Variants in KSR2 observed in about 807,000 individuals in gnomAD.
KSR2 encodes the protein kinase suppressor of ras 2.
A neutral mutation model predicts 107.8 loss-of-function variants in KSR2; 25 were observed. That is an observed-to-expected ratio of 0.23 (90% CI 0.17 to 0.32). The LOEUF (loss-of-function observed/expected upper bound fraction) is 0.32, where lower values mean the gene tolerates loss of function less well. Ranked by LOEUF, KSR2 falls within the 10% of genes least tolerant of loss-of-function variation. The pLI, the probability that KSR2 is intolerant of heterozygous loss-of-function variation, is 1.00. For missense variants in KSR2, 887 were observed against 1,268.9 expected (o/e 0.70, Z 4.57); for synonymous variants, 480 against 507.0 (o/e 0.95, Z 0.71).
In KSR2 at chr12:117,635,390, T is replaced by A. The variant is rs567592858; in HGVS notation, c.1171+32084A>T. On this transcript the variant is annotated intron_variant, in intron 5 of 19. Transcript: ENST00000339824. ...AGTTAAAAATGAGTTAGAATTCCAA[T>A]AAATAGAAGACATTAACTGTTTTTC... Among the ~76,000 whole-genome samples the A allele has an allele frequency of 2.0e-5, 3 of 152,200 alleles. No homozygotes were observed. In the East Asian group the frequency reaches 5.8e-4, roughly 29 times the overall value.
chr12:117,966,454 G>T (rs1896788208), intron 1 of KSR2, among the ~76,000 whole-genome samples: 1 of 151,982 alleles, frequency 6.6e-6, no homozygotes, highest in South Asian at 2.1e-4. Flanking sequence ...CCAAGCTCCA[G>T]GAAAGGCAAT....
intron 12 of KSR2, among the ~76,000 whole-genome samples, chr12:117,528,882 A>G (rs1258894726): frequency 6.6e-6 from 1 of 152,206 alleles, no homozygotes; most frequent in Non-Finnish European, 1.5e-5. Flanking sequence ...GCAAGCAGCT[A>G]TTGACTCTGT....
intron 4 of KSR2, among the ~76,000 whole-genome samples, chr12:117,723,218 C>T (rs1887282728): frequency 6.6e-6 from 1 of 152,158 alleles, no homozygotes; most frequent in African/African-American, 2.4e-5. Flanking sequence ...TTAAGCTCTT[C>T]CAGCCAAAAG....
intron 5 of KSR2, among the ~76,000 whole-genome samples, chr12:117,615,265 C>T (rs1881811813): frequency 6.7e-6 from 1 of 149,686 alleles, no homozygotes; most frequent in Admixed American, 6.7e-5. Flanking sequence ...ACATCAGATT[C>T]CTCTTTTGTC....
At chr12:117,836,494 A>G (rs1482401304) in intron 3 of KSR2, among the ~76,000 whole-genome samples, 1 of 152,146 alleles carries the variant, frequency 6.6e-6, no homozygotes, top group Non-Finnish European at 1.5e-5. Context: ...CAGAGGCAAA[A>G]GCACACATCA....
chr12:117,903,377 C>A (rs1007012598), intron 1 of KSR2, among the ~76,000 whole-genome samples: 2 of 152,024 alleles, frequency 1.3e-5, no homozygotes, highest in African/African-American at 4.8e-5. Context: ...CCCGAGTTAG[C>A]AAATAAAAAT....
intron 7 of KSR2, among the ~76,000 whole-genome samples, chr12:117,566,057 T>G (rs1228829412): frequency 6.6e-6 from 1 of 151,950 alleles, no homozygotes; most frequent in Non-Finnish European, 1.5e-5. Context: ...ACAGATTATT[T>G]CATCACCCAG....
chr12:117,712,700 T>C (rs1451126525), intron 4 of KSR2, among the ~76,000 whole-genome samples: 1 of 152,228 alleles, frequency 6.6e-6, no homozygotes, highest in Non-Finnish European at 1.5e-5. Flanking sequence ...CATCAACTTC[T>C]GCCAGGCCAC....
intron 4 of KSR2, among the ~76,000 whole-genome samples, chr12:117,679,932 G>A (rs1593123397): frequency 6.6e-6 from 1 of 152,118 alleles, no homozygotes; most frequent in Admixed American, 6.5e-5. Context: ...GGCTTCTTTT[G>A]CCTGACAATA....
intron 3 of KSR2, among the ~76,000 whole-genome samples, chr12:117,801,567 G>A (rs1890834305): frequency 6.6e-6 from 1 of 152,172 alleles, no homozygotes; most frequent in African/African-American, 2.4e-5. Context: ...AGAAGGCAAA[G>A]AGAGAGCCAG....
chr12:117,906,848 T>C (rs909889993), intron 1 of KSR2, among the ~76,000 whole-genome samples: 1 of 151,870 alleles, frequency 6.6e-6, no homozygotes, highest in Non-Finnish European at 1.5e-5. Flanking sequence ...GGCAACATAC[T>C]GAGGCCCCCG....
rs574305323 is a variant in KSR2 at position 117,751,944 on chromosome 12, T to C, written c.986+9067A>G. On this transcript the variant is annotated intron_variant, in intron 4 of 19. Coordinates refer to ENST00000339824, the MANE Select transcript of KSR2 (RefSeq NM_173598.6). ...ACCCACAGACTAGTCATTCCTCTCT[T>C]GCCCTTATAAATATATTAGAGATCC... Among the ~76,000 whole-genome samples the C allele has an allele frequency of 4.4e-4, 67 of 152,352 alleles. 1 individual carries two copies. The South Asian group carries it at 0.011, about 25-fold the overall frequency.
chr12:117,961,686 A>T (rs7305424), intron 1 of KSR2, among the ~76,000 whole-genome samples: 70,367 of 151,972 alleles, frequency 0.46, 17,562 homozygotes, highest in African/African-American at 0.65. Flanking sequence ...TGGCCACGAG[A>T]GGAGCTCAGG....
intron 1 of KSR2, among the ~76,000 whole-genome samples, chr12:117,933,318 T>A (rs1171314836): frequency 6.6e-6 from 1 of 152,142 alleles, no homozygotes; most frequent in African/African-American, 2.4e-5. Flanking sequence ...TGGCCAGCCG[T>A]GGTGGCTCAT....
chr12:117,539,706 A>G lies in KSR2; in HGVS notation c.1687+13T>C, dbSNP rs761520273. 6.3e-7 allele frequency: 1 copy of G among 1,596,220 alleles called. No homozygotes were observed. Among genetic ancestry groups the G allele is most frequent in the Non-Finnish European group, 8.5e-7 (1 of 1,172,772 alleles). ...ACGCTGCACCCCTCATGTCTCCCCA[A>G]GCATGGAGGTACCTGGCAGGTTGAA... On this transcript the variant is annotated intron_variant, in intron 10 of 19. Transcript: ENST00000339824.
chr12:117,610,301 A>G (rs1881521020), intron 5 of KSR2, among the ~76,000 whole-genome samples: 2 of 152,300 alleles, frequency 1.3e-5, no homozygotes, highest in East Asian at 3.9e-4. Flanking sequence ...ATGCTCGCAA[A>G]GCTCTGTAGC....
At chr12:117,745,098 G>A (rs1006861766) in intron 4 of KSR2, among the ~76,000 whole-genome samples, 1 of 152,116 alleles carries the variant, frequency 6.6e-6, no homozygotes, top group African/African-American at 2.4e-5. Flanking sequence ...GTCAGGAAGG[G>A]TGAAAAGAGG....
At chr12:117,757,759 T>C (rs758394709) in intron 4 of KSR2, among the ~76,000 whole-genome samples, 1 of 152,206 alleles carries the variant, frequency 6.6e-6, no homozygotes, top group South Asian at 2.1e-4. Context: ...AATTAATGTA[T>C]GTACATTGTT....
At chr12:117,635,929 T>A (rs997036106) in intron 5 of KSR2, among the ~76,000 whole-genome samples, 7 of 152,014 alleles carry the variant, frequency 4.6e-5, no homozygotes, top group African/African-American at 1.7e-4. Context: ...GTAGCTAGGA[T>A]TACAGGCACA....
Sources: allele counts gnomAD v4.1 joint callset (sites outside exome capture counted in the v4.1 genomes callset), GRCh38; gene constraint gnomAD v4.1.1; transcripts MANE v1.5; gene names NCBI Gene and HGNC (gene_info 2026-07-23, HGNC 2026-07-21).